The following AOPEP variants were observed in gnomAD, a reference collection of about 807,000 sequenced individuals.
AOPEP encodes the protein aminopeptidase O.
AOPEP carries 77 observed loss-of-function variants against 98.1 expected under a neutral mutation model. The observed-to-expected ratio is 0.78, with a 90% CI of 0.65 to 0.95. The LOEUF (loss-of-function observed/expected upper bound fraction) is 0.95. Among genes scored for constraint, AOPEP ranks in the 40% least tolerant of loss-of-function variants. The probability of loss-of-function intolerance (pLI) is 0.00; values close to 1 mark genes in which losing one functional copy is unlikely to be tolerated. For synonymous variants in AOPEP, 346 were observed against 365.3 expected, an observed-to-expected ratio of 0.95 and a Z score of 0.60; for missense variants, 1,024 against 1,024.7, an observed-to-expected ratio of 1.00 and a Z score of 0.01.
chr9:95,107,159 T>C, the AOPEP span: 1 of 1,614,158 alleles, frequency 6.2e-7, no homozygotes, highest in Non-Finnish European at 8.5e-7. Context: ...GTGCAGGAGC[T>C]CTGAGGTCTG....
chr9:94,916,932 G>C (rs1196784498), intron 5 of AOPEP, among the ~76,000 whole-genome samples: 2 of 152,154 alleles, frequency 1.3e-5, no homozygotes, highest in African/African-American at 4.8e-5. Context: ...GTCACATTGA[G>C]AGAGGGAAAG....
the AOPEP span, among the ~76,000 whole-genome samples, chr9:95,139,450 G>C: frequency 1.3e-5 from 2 of 152,120 alleles, no homozygotes; most frequent in Non-Finnish European, 2.9e-5. Context: ...AGAAACATCA[G>C]TTTGAGGATA....
chr9:94,785,823 C>CT (rs1418159110), intron 3 of AOPEP, among the ~76,000 whole-genome samples: 1 of 152,214 alleles, frequency 6.6e-6, no homozygotes, highest in Non-Finnish European at 1.5e-5. Flanking sequence ...CATTCACTGT[C>CT]TGTTTCATCA....
intron 16 of AOPEP, chr9:95,085,142 C>T (rs1002624887): frequency 1.6e-5 from 7 of 430,922 alleles, no homozygotes; most frequent in African/African-American, 6.1e-5. Flanking sequence ...GGCGTGAAGG[C>T]GGCAGTGTCG....
intron 6 of AOPEP, among the ~76,000 whole-genome samples, chr9:94,926,724 CAG>C (rs1200502758): frequency 2.0e-5 from 3 of 151,138 alleles, no homozygotes; most frequent in Non-Finnish European, 4.4e-5. Context: ...TACAGGGTGA[CAG>C]GGGTCACCGG....
intron 5 of AOPEP, among the ~76,000 whole-genome samples, chr9:94,861,634 C>A (rs1268036360): frequency 6.6e-6 from 1 of 152,148 alleles, no homozygotes; most frequent in Non-Finnish European, 1.5e-5. Flanking sequence ...CTGTTTTAGG[C>A]CCATTTTTGG....
At chr9:95,107,025 C>G in the AOPEP span, 7 of 1,603,938 alleles carry the variant, frequency 4.4e-6, no homozygotes, top group Non-Finnish European at 6.0e-6. Context: ...TCGCCTGGAG[C>G]AGAAATGAGT....
At chr9:95,010,426 C>T (rs1375055052) in intron 13 of AOPEP, among the ~76,000 whole-genome samples, 1 of 152,162 alleles carries the variant, frequency 6.6e-6, no homozygotes, top group African/African-American at 2.4e-5. Context: ...ACAGAATGAA[C>T]CTATGGAGTG....
At chr9:94,924,680 G>A (rs1185278115) in intron 6 of AOPEP, among the ~76,000 whole-genome samples, 1 of 152,190 alleles carries the variant, frequency 6.6e-6, no homozygotes, top group African/African-American at 2.4e-5. Flanking sequence ...AGCAGGGGCG[G>A]TATAGATTAG....
intron 1 of AOPEP, among the ~76,000 whole-genome samples, chr9:94,747,399 G>C (rs1285108076): frequency 3.3e-5 from 5 of 152,148 alleles, no homozygotes; most frequent in African/African-American, 1.2e-4. Context: ...CCCTATTGTA[G>C]CATATATTTA....
chr9:95,079,606 G>A (rs923130469), intron 14 of AOPEP, among the ~76,000 whole-genome samples: 1 of 152,192 alleles, frequency 6.6e-6, no homozygotes, highest in Non-Finnish European at 1.5e-5. Flanking sequence ...CTGCAGCACC[G>A]AGCAATGCCG....
the AOPEP span, among the ~76,000 whole-genome samples, chr9:95,121,136 T>C: frequency 6.6e-6 from 1 of 152,366 alleles, no homozygotes; most frequent in South Asian, 2.1e-4. Flanking sequence ...TTATCATTTT[T>C]ATCTGTGGGA....
chr9:95,042,313 A>AAAAT (rs71366272), intron 13 of AOPEP, among the ~76,000 whole-genome samples: 103 of 145,496 alleles, frequency 7.1e-4, no homozygotes, highest in African/African-American at 2.2e-3. Context: ...CTCTGTCTCA[A>AAAAT]AAATAAATAA....
At chr9:95,071,394 A>G (rs1325365732) in intron 14 of AOPEP, among the ~76,000 whole-genome samples, 1 of 151,590 alleles carries the variant, frequency 6.6e-6, no homozygotes, top group Non-Finnish European at 1.5e-5. Flanking sequence ...GCTGTTGGAA[A>G]CATCAAAAGT....
chr9:94,968,179 T>C (rs117524304), intron 10 of AOPEP, among the ~76,000 whole-genome samples: 3 of 152,178 alleles, frequency 2.0e-5, no homozygotes, highest in Non-Finnish European at 4.4e-5. Context: ...AAAGAAAAAA[T>C]GTAGTATAGT....
intron 9 of AOPEP, among the ~76,000 whole-genome samples, chr9:94,959,112 C>T (rs773755125): frequency 6.6e-6 from 1 of 151,912 alleles, no homozygotes; most frequent in Non-Finnish European, 1.5e-5. Flanking sequence ...GGCGCGGTCT[C>T]GGCTCACTGC....
intron 13 of AOPEP, among the ~76,000 whole-genome samples, chr9:95,055,919 C>G (rs904708539): frequency 2.0e-5 from 3 of 150,954 alleles, no homozygotes; most frequent in African/African-American, 4.9e-5. Flanking sequence ...GTAAACAGTT[C>G]CCTGCGTAGT....
chr9:94,835,275 C>T (rs778923818), intron 5 of AOPEP, among the ~76,000 whole-genome samples: 1 of 152,044 alleles, frequency 6.6e-6, no homozygotes, highest in Non-Finnish European at 1.5e-5. Flanking sequence ...AATTTTTTCC[C>T]CAAAACAATG....
chr9:95,033,579 A>G (rs1238155433), intron 13 of AOPEP, among the ~76,000 whole-genome samples: 1 of 152,186 alleles, frequency 6.6e-6, no homozygotes, highest in Non-Finnish European at 1.5e-5. Flanking sequence ...CAGTTCCCTA[A>G]CTGAAGTTTC....
Sources: gnomAD v4.1 joint callset for allele counts (sites outside exome capture counted in the v4.1 genomes callset) on GRCh38, gnomAD v4.1.1 for gene constraint, MANE v1.5 for transcripts, NCBI Gene and HGNC (gene_info 2026-07-23, HGNC 2026-07-21) for gene names.